Variants in TRPV4 observed in about 807,000 individuals in gnomAD.
TRPV4 encodes the protein transient receptor potential cation channel subfamily V member 4.
TRPV4 carries 58 observed loss-of-function variants against 84.1 expected under a neutral mutation model. The observed-to-expected ratio is 0.69, with a 90% CI of 0.56 to 0.86. The LOEUF is 0.86. Among genes scored for constraint, TRPV4 ranks in the 40% least tolerant of loss-of-function variants. The probability of loss-of-function intolerance (pLI) is 0.00; values close to 1 mark genes in which losing one functional copy is unlikely to be tolerated. For missense variants in TRPV4, 879 were observed against 1,181.1 expected (o/e 0.74, Z 3.75); for synonymous variants, 489 against 500.9 (o/e 0.98, Z 0.32).
chr12:109,820,516 ATTTTTTTT>A (rs1166251387), intron 1 of TRPV4, among the ~76,000 whole-genome samples: 174 of 92,402 alleles, frequency 1.9e-3, no homozygotes, highest in African/African-American at 8.1e-3. Context: ...CAGCTGCCCT[ATTTTTTTT>A]TTTTTTTTTT....
intron 1 of TRPV4, among the ~76,000 whole-genome samples, chr12:109,832,104 A>G (rs2136734447): frequency 6.6e-6 from 1 of 152,312 alleles, no homozygotes; most frequent in Non-Finnish European, 1.5e-5. Context: ...GCTTGCCCTC[A>G]GGCACCCCAG....
At chr12:109,821,903 C>CGTGTCCCCT (rs1259434986) in intron 1 of TRPV4, among the ~76,000 whole-genome samples, 8 of 152,128 alleles carry the variant, frequency 5.3e-5, no homozygotes, top group African/African-American at 1.9e-4. Context: ...GGGACTATTT[C>CGTGTCCCCT]GTGTCCCCTG....
intron 1 of TRPV4, among the ~76,000 whole-genome samples, chr12:109,829,903 A>G (rs907893729): frequency 1.3e-5 from 2 of 151,952 alleles, no homozygotes; most frequent in Non-Finnish European, 2.9e-5. Flanking sequence ...GCAACCTCTC[A>G]CTCCTGGGCT....
rs780302795 is a variant in TRPV4, at chr12:109,814,456, C to T, written c.341G>A (p.Arg114His). ...MDSLFDYGTYRHHSSDNKRWR... is the reference protein window; with the variant it reads ...MDSLFDYGTYHHHSSDNKRWR... ...CCTCTTGTTGTCACTGGAGTGGTGA[C>T]GATAGGTGCCGTAGTCAAACAGTGA... The change falls in exon 2 of 16, where the codon CGT becomes CAT. Residue 114 changes from arginine (R) to histidine (H), a missense_variant. By Grantham distance (29) the Arg-to-His change is conservative. This residue lies in a region of TRPV4 where 521 missense variants were observed against 686.6 expected (regional missense o/e 0.76). Coordinates refer to ENST00000261740, the MANE Select transcript of TRPV4 (RefSeq NM_021625.5). The surrounding 1 kb of genome is among the most constrained non-coding windows in gnomAD (Gnocchi z 5.4). The T allele has an allele frequency of 9.9e-6, 16 of 1,614,012 alleles. No homozygotes were observed. In the East Asian group the frequency reaches 1.8e-4, roughly 18 times the overall value.
At chr12:109,831,600 G>GT (rs1205704693) in intron 1 of TRPV4, among the ~76,000 whole-genome samples, 1 of 152,260 alleles carries the variant, frequency 6.6e-6, no homozygotes, top group Non-Finnish European at 1.5e-5. Context: ...GGAGGAGGGA[G>GT]TAAGTGGCAG....
chr12:109,799,467 G>A (rs1419156266), intron 5 of TRPV4, among the ~76,000 whole-genome samples: 3 of 152,160 alleles, frequency 2.0e-5, no homozygotes, highest in Non-Finnish European at 4.4e-5. Flanking sequence ...AATTCTTTGT[G>A]TGACTTTGTC....
intron 2 of TRPV4, among the ~76,000 whole-genome samples, chr12:109,812,177 A>T (rs779178430): frequency 2.4e-4 from 36 of 152,256 alleles, no homozygotes; most frequent in Non-Finnish European, 4.3e-4. Context: ...TGCCACACAA[A>T]CCACATGCAG....
chr12:109,818,870 C>T (rs370935949), intron 1 of TRPV4, among the ~76,000 whole-genome samples: 1 of 152,196 alleles, frequency 6.6e-6, no homozygotes, highest in African/African-American at 2.4e-5. Flanking sequence ...TCCACCAAGC[C>T]CCTCTCTCAT....
intron 1 of TRPV4, among the ~76,000 whole-genome samples, chr12:109,824,515 G>A (rs1191289276): frequency 2.0e-5 from 3 of 151,998 alleles, no homozygotes; most frequent in Non-Finnish European, 4.4e-5. Flanking sequence ...CAGCACTTTG[G>A]GAGACCGAGG....
chr12:109,785,666 A>C (rs1309681853), intron 14 of TRPV4, among the ~76,000 whole-genome samples: 1 of 150,874 alleles, frequency 6.6e-6, no homozygotes, highest in Non-Finnish European at 1.5e-5. Context: ...TGATCCACCC[A>C]CCTTGGCCTC....
intron 13 of TRPV4, among the ~76,000 whole-genome samples, chr12:109,788,096 C>G (rs527950663): frequency 3.9e-5 from 6 of 152,334 alleles, no homozygotes; most frequent in Admixed American, 6.5e-5. Flanking sequence ...CCACGGAGCA[C>G]TTTCTGAGCC....
rs746475296 is a variant in TRPV4, at chr12:109,798,758, A to C, written c.1008T>G (p.Arg336=). 37 of 1,613,794 alleles carry C rather than the reference A, an allele frequency of 2.3e-5. No homozygotes were observed. In the South Asian group the frequency reaches 3.1e-4, roughly 13 times the overall value. Residue 336 remains arginine (R), a synonymous_variant, in exon 6 of 16, where the codon CGT becomes CGG. Coordinates refer to ENST00000261740, the MANE Select transcript of TRPV4 (RefSeq NM_021625.5). The surrounding 1 kb of genome is among the most constrained non-coding windows in gnomAD (Gnocchi z 5.0). The part of the protein sequence containing the change: ...HALVAIADNT[R]ENTKFVTKMY... ...TCTTGGTAACAAACTTGGTGTTCTC[A>C]CGGGTGTTGTCAGCAATGGCCACCA...
At chr12:109,791,180 C>T (rs1281832873) in intron 12 of TRPV4, among the ~76,000 whole-genome samples, 1 of 152,002 alleles carries the variant, frequency 6.6e-6, no homozygotes, top group Non-Finnish European at 1.5e-5. Flanking sequence ...GTCAGGAGTT[C>T]GAGACCAGCC....
At chr12:109,800,208 G>T (rs886337810) in intron 5 of TRPV4, among the ~76,000 whole-genome samples, 2 of 152,090 alleles carry the variant, frequency 1.3e-5, no homozygotes, top group East Asian at 3.9e-4. Flanking sequence ...TCCTCCCAAA[G>T]TGCTGGGATT....
At position 109,796,778 on chromosome 12, in the gene TRPV4, G is replaced by A; in HGVS notation, c.1153-74C>T. Reference sequence around the variant, plus strand: ...CAGGGCTGGGCCCAGCTCAGCACATGACGCCTCCCCAGAAAACAGCTAAGC... The same window carrying A: ...CAGGGCTGGGCCCAGCTCAGCACATAACGCCTCCCCAGAAAACAGCTAAGC... On this transcript the variant is annotated intron_variant, in intron 6 of 15. Coordinates refer to ENST00000261740, the MANE Select transcript of TRPV4 (RefSeq NM_021625.5). This position sits in a 1 kb window ranked among gnomAD's most constrained non-coding sequence, Gnocchi z 4.2. 2 of 1,486,964 alleles carry A rather than the reference G, an allele frequency of 1.3e-6. No individual in the cohort carries two copies. Among genetic ancestry groups the A allele is most frequent in the East Asian group, 4.6e-5 (2 of 43,676 alleles). The allele number at this position is 1,486,964 out of a possible 1,614,324, so 92.1% of individuals were successfully genotyped here.
intron 1 of TRPV4, among the ~76,000 whole-genome samples, chr12:109,827,135 G>A (rs1892272721): frequency 6.6e-6 from 1 of 152,182 alleles, no homozygotes; most frequent in Non-Finnish European, 1.5e-5. Flanking sequence ...TAACTAATTA[G>A]CTTCCTCCCA....
intron 1 of TRPV4, among the ~76,000 whole-genome samples, chr12:109,832,017 G>A (rs911687068): frequency 6.6e-5 from 10 of 152,222 alleles, no homozygotes; most frequent in African/African-American, 2.4e-4. Context: ...AACGACAACT[G>A]GTTAAACATT....
rs1441372944 is a variant in TRPV4 at position 109,814,899 on chromosome 12, G to A, written c.-31-72C>T. On this transcript the variant is annotated intron_variant, in intron 1 of 15. Coordinates refer to ENST00000261740, the MANE Select transcript of TRPV4 (RefSeq NM_021625.5). This position sits in a 1 kb window ranked among gnomAD's most constrained non-coding sequence, Gnocchi z 5.4. Reference sequence around the variant, plus strand: ...GGGGCTCCAGGAAGCCCCCTCCCACGTGGACAAGCAGCAGTGCTGCCAGCT... The same window carrying A: ...GGGGCTCCAGGAAGCCCCCTCCCACATGGACAAGCAGCAGTGCTGCCAGCT... The A allele has an allele frequency of 3.5e-6, 5 of 1,425,750 alleles. No homozygotes were observed. The South Asian group carries it at 3.7e-5, about 11-fold the overall frequency. The allele number at this position is 1,425,750 out of a possible 1,614,324, so 88.3% of individuals were successfully genotyped here. A position where few individuals can be genotyped will look rare whatever the true frequency, so the allele number is the denominator to read the frequency against.
At position 109,793,628 on chromosome 12, in the gene TRPV4, G is replaced by C. The variant is rs367950220; in HGVS notation, c.1585-28C>G. On this transcript the variant is annotated intron_variant, in intron 9 of 15. Coordinates refer to ENST00000261740, the MANE Select transcript of TRPV4 (RefSeq NM_021625.5). This position sits in a 1 kb window ranked among gnomAD's most constrained non-coding sequence, Gnocchi z 4.0. ...GGAAGACAGGAGGGGGCACGTGAAA[G>C]GGGTGGGGCCAGCAGGAGAGGAGAG... The C allele has an allele frequency of 6.3e-7, 1 of 1,591,960 alleles. No homozygotes were observed. Among genetic ancestry groups the C allele is most frequent in the Non-Finnish European group, 8.6e-7 (1 of 1,160,058 alleles).
Sources: gnomAD v4.1 joint callset for allele counts (sites outside exome capture counted in the v4.1 genomes callset) on GRCh38, gnomAD v4.1.1 for gene constraint, gnomAD v4.1.1 regional missense constraint, Gnocchi (gnomAD v3.1) non-coding constraint, MANE v1.5 for transcripts, NCBI Gene and HGNC (gene_info 2026-07-23, HGNC 2026-07-21) for gene names.